The following EFL1 variants were observed in gnomAD, a reference collection of about 807,000 sequenced individuals.
The protein encoded by EFL1 is elongation factor-like GTPase 1.
A neutral mutation model predicts 126.7 loss-of-function variants in EFL1; 76 were observed. That is an observed-to-expected ratio of 0.60 (90% CI 0.50 to 0.73). The LOEUF (loss-of-function observed/expected upper bound fraction) is 0.73. Ranked by LOEUF, EFL1 falls within the 30% of genes least tolerant of loss-of-function variation. The pLI is 0.00. For synonymous variants in EFL1, 410 were observed against 448.4 expected, an observed-to-expected ratio of 0.91 and a Z score of 1.08; for missense variants, 1,128 against 1,343.2, an observed-to-expected ratio of 0.84 and a Z score of 2.50.
At chr15:82,179,006 T>C (rs2074222017) in intron 15 of EFL1, among the ~76,000 whole-genome samples, 1 of 152,068 alleles carries the variant, frequency 6.6e-6, no homozygotes. Flanking sequence ...TACCCAGGCA[T>C]GGTGGCACAC....
intron 11 of EFL1, among the ~76,000 whole-genome samples, chr15:82,226,493 TC>T (rs2074765394): frequency 6.6e-6 from 1 of 152,142 alleles, no homozygotes; most frequent in Non-Finnish European, 1.5e-5. Flanking sequence ...CATAGATGAC[TC>T]CAAGGTTTTT....
At chr15:82,214,951 T>C (rs1345793984) in intron 14 of EFL1, 96 bp from the exon 15 acceptor site, 2 of 1,237,696 alleles carry the variant, frequency 1.6e-6, no homozygotes, top group African/African-American at 1.5e-5. Context: ...TAAGATATGG[T>C]ATAGCAACAT....
chr15:82,180,834 C>G (rs887570315), intron 15 of EFL1, among the ~76,000 whole-genome samples: 2 of 151,798 alleles, frequency 1.3e-5, no homozygotes, highest in Admixed American at 6.6e-5. Flanking sequence ...CTCAGGGGGG[C>G]CCTCTCACCT....
intron 9 of EFL1, among the ~76,000 whole-genome samples, chr15:82,228,631 G>A (rs1307338856): frequency 6.6e-6 from 1 of 152,054 alleles, no homozygotes; most frequent in Admixed American, 6.6e-5. Context: ...TCCATCTCAG[G>A]AATAACTTAG....
At chr15:82,230,631 G>A (rs1259190644) in intron 8 of EFL1, among the ~76,000 whole-genome samples, 1 of 152,076 alleles carries the variant, frequency 6.6e-6, no homozygotes, top group Admixed American at 6.6e-5. Context: ...AGAAAAGGCA[G>A]TTCTTTGCTC....
At chr15:82,202,902 C>A (rs2074485898) in intron 15 of EFL1, among the ~76,000 whole-genome samples, 1 of 151,636 alleles carries the variant, frequency 6.6e-6, no homozygotes, top group South Asian at 2.1e-4. Context: ...ACCTCCGCCT[C>A]CCGGTTTCAA....
intron 1 of EFL1, chr15:82,262,167 A>C (rs150447925): frequency 0.012 from 2,035 of 164,618 alleles, 48 homozygotes; most frequent in African/African-American, 0.046. Context: ...GGGAGAGAAA[A>C]TGCTGAAGAA....
intron 15 of EFL1, among the ~76,000 whole-genome samples, chr15:82,201,553 C>G (rs1199302670): frequency 6.6e-6 from 1 of 152,086 alleles, no homozygotes; most frequent in East Asian, 1.9e-4. Context: ...TAAACGATAT[C>G]TTAAAAGAAT....
chr15:82,210,546 C>G (rs2074573012), intron 15 of EFL1, among the ~76,000 whole-genome samples: 1 of 152,262 alleles, frequency 6.6e-6, no homozygotes, highest in Non-Finnish European at 1.5e-5. Context: ...CTTTAGCCCC[C>G]AGGCTTTGGG....
At chr15:82,249,884 C>T (rs2075005994) in intron 4 of EFL1, among the ~76,000 whole-genome samples, 1 of 152,030 alleles carries the variant, frequency 6.6e-6, no homozygotes, top group African/African-American at 2.4e-5. Flanking sequence ...TATCTGTTTA[C>T]TTTAAACTAG....
At chr15:82,240,815 TGAGGCAGGTGGACTGCTTGAGGCCA>T (rs1352700588) in intron 5 of EFL1, among the ~76,000 whole-genome samples, 2 of 152,172 alleles carry the variant, frequency 1.3e-5, no homozygotes, top group Non-Finnish European at 2.9e-5. Flanking sequence ...TCTGGGAGGC[TGAGGCAGGTGGACTGCTTGAGGCCA>T]GGAATTCAAG....
At chr15:82,259,918 T>C (rs2075098717) in intron 2 of EFL1, among the ~76,000 whole-genome samples, 1 of 152,230 alleles carries the variant, frequency 6.6e-6, no homozygotes, top group African/African-American at 2.4e-5. Flanking sequence ...GCTATCTGTC[T>C]GCAATGTAAA....
At chr15:82,214,570 C>T (rs977992853) in intron 15 of EFL1, 147 bp downstream of exon 15, 4 of 892,788 alleles carry the variant, frequency 4.5e-6, no homozygotes, top group Admixed American at 3.2e-5. Context: ...TGAGTTACTC[C>T]AATGTACTAA....
chr15:82,157,059 G>A lies in EFL1; in HGVS notation c.2030+654C>T, dbSNP rs1386051346. Among the ~76,000 whole-genome samples the A allele has an allele frequency of 3.3e-5, 5 of 152,216 alleles. No homozygotes were observed. In the East Asian group the frequency reaches 9.6e-4, roughly 29 times the overall value. On this transcript the variant is annotated intron_variant, in intron 17 of 19. Coordinates refer to ENST00000268206, the MANE Select transcript of EFL1 (RefSeq NM_024580.6). Reference sequence around the variant, plus strand: ...TGAGCTAGCTATAATACTTCCAGAAGTTTATCTTAACCAAATAATCAGAAC... The same window carrying A: ...TGAGCTAGCTATAATACTTCCAGAAATTTATCTTAACCAAATAATCAGAAC...
intron 16 of EFL1, among the ~76,000 whole-genome samples, chr15:82,160,312 A>C (rs1426319872): frequency 6.6e-6 from 1 of 152,230 alleles, no homozygotes; most frequent in Non-Finnish European, 1.5e-5. Flanking sequence ...GCTACCGCCC[A>C]AGGTGATGTA....
chr15:82,152,356 G>C lies in EFL1; in HGVS notation c.2098C>G (p.Pro700Ala). 1 of 1,613,534 alleles carries C rather than the reference G, an allele frequency of 6.2e-7. No individual in the cohort carries two copies. Among genetic ancestry groups the C allele is most frequent in the Non-Finnish European group, 8.5e-7 (1 of 1,180,002 alleles). Residue 700 changes from proline (P) to alanine (A), a missense_variant, in exon 18 of 20, where the codon CCA (proline) becomes GCA (alanine). Around this residue, in one of 6 missense-constraint regions of EFL1, gnomAD observed 561 missense variants for 641.7 expected, o/e 0.87. Transcript: ENST00000268206. ...IPFRETITKP[P>A]KVDMVNEEIG... Reference sequence around the variant, plus strand: ...TCTTCATTGACCATGTCAACTTTTGGGGGTTTTGTGATTGTTTCTCTGAAT... The same window carrying C: ...TCTTCATTGACCATGTCAACTTTTGCGGGTTTTGTGATTGTTTCTCTGAAT...
intron 16 of EFL1, chr15:82,160,156 T>C (rs1595950327): frequency 6.6e-6 from 1 of 152,286 alleles, no homozygotes; most frequent in South Asian, 2.1e-4. Context: ...AAAGGCATTA[T>C]AGCTTCTGCC....
At chr15:82,257,747 T>C (rs144499546) in intron 3 of EFL1, among the ~76,000 whole-genome samples, 30 of 152,352 alleles carry the variant, frequency 2.0e-4, no homozygotes, top group Middle Eastern at 6.8e-3. Context: ...TGCATTATGA[T>C]TAATTAAAGT....
chr15:82,190,168 T>C (rs2074344333), intron 15 of EFL1, among the ~76,000 whole-genome samples: 1 of 152,132 alleles, frequency 6.6e-6, no homozygotes. Context: ...AGAATTTCTT[T>C]AGCTTTCTTC....
Sources: gnomAD v4.1 joint callset for allele counts (sites outside exome capture counted in the v4.1 genomes callset) on GRCh38, gnomAD v4.1.1 for gene constraint, gnomAD v4.1.1 regional missense constraint, MANE v1.5 for transcripts, NCBI Gene and HGNC (gene_info 2026-07-23, HGNC 2026-07-21) for gene names.